CSNK2A1: variants seen among roughly 807,000 people sequenced by gnomAD.
CSNK2A1 encodes casein kinase 2 alpha 1.
Under a neutral mutation model 62.9 loss-of-function variants are expected in CSNK2A1, and 10 were observed. The ratio of observed to expected loss-of-function variants is 0.16; its 90% CI spans 0.10 to 0.27. The LOEUF (loss-of-function observed/expected upper bound fraction) is 0.27, where lower values mean the gene tolerates loss of function less well. Ranked by LOEUF, CSNK2A1 falls within the 10% of genes least tolerant of loss-of-function variation. CSNK2A1 has a pLI of 1.00. For missense variants in CSNK2A1, 160 were observed against 492.0 expected (o/e 0.33, Z 6.38); for synonymous variants, 124 against 167.8 (o/e 0.74, Z 2.02).
intron 8 of CSNK2A1, among the ~76,000 whole-genome samples, chr20:493,784 C>G (rs1406922585): frequency 6.6e-6 from 1 of 152,176 alleles, no homozygotes; most frequent in Non-Finnish European, 1.5e-5. Context: ...TAGCCCAACC[C>G]CTGGCAACCC....
chr20:537,209 C>T (rs1490404790), intron 1 of CSNK2A1, among the ~76,000 whole-genome samples: 1 of 152,138 alleles, frequency 6.6e-6, no homozygotes, highest in Non-Finnish European at 1.5e-5. Flanking sequence ...AGATGTCACA[C>T]ATAAAAAATT....
At position 505,668 on chromosome 20, in the gene CSNK2A1, AT is replaced by A. The variant is rs11484480; in HGVS notation, c.102-440del. Among the ~76,000 whole-genome samples the A allele has an allele frequency of 3.3e-3, 469 of 142,428 alleles. 3 individuals are homozygous for A. Among genetic ancestry groups the A allele is most frequent in the Admixed American group, 0.014 (194 of 14,366 alleles). The allele number at this position is 142,428 out of a possible 152,430, so 93.4% of individuals were successfully genotyped here. A position where few individuals can be genotyped will look rare whatever the true frequency, so the allele number is the denominator to read the frequency against. ...TGAGCCACCGCGCCTGGCCCATTGT[AT>A]TTTTTTTTTTTTTAAATTAGGCCAA... On this transcript the variant is annotated intron_variant, in intron 3 of 13. Transcript: ENST00000217244.
chr20:486,583 A>G, intron 12 of CSNK2A1, 121 bp from the exon 13 acceptor site: 1 of 1,017,606 alleles, frequency 9.8e-7, no homozygotes, highest in Non-Finnish European at 1.4e-6. Flanking sequence ...ATTATTCCCC[A>G]AAGAACTTAA....
At position 499,896 on chromosome 20, in the gene CSNK2A1, A is replaced by T. The variant is rs758013855; in HGVS notation, c.252T>A (p.Ile84=). The T allele has an allele frequency of 6.2e-7, 1 of 1,613,934 alleles. No homozygotes were observed. Among genetic ancestry groups the T allele is most frequent in the Non-Finnish European group, 8.5e-7 (1 of 1,179,982 alleles). The change falls in exon 5 of 14, where the codon ATT becomes ATA. Residue 84 remains isoleucine (I), a synonymous_variant. Coordinates refer to ENST00000217244, the MANE Select transcript of CSNK2A1 (RefSeq NM_177559.3). The surrounding 1 kb of genome is among the most constrained non-coding windows in gnomAD (Gnocchi z 4.2). ...TGGGACCTCCTCTCAAATTCTCCAA[A>T]ATCTTTATTTCACGCTTAATTTTCT... ...KKKKIKREIK[I]LENLRGGPNI...
chr20:522,024 C>G (rs1196878674), intron 2 of CSNK2A1, among the ~76,000 whole-genome samples: 1 of 152,196 alleles, frequency 6.6e-6, no homozygotes, highest in Non-Finnish European at 1.5e-5. Flanking sequence ...CCAGGCTACA[C>G]AGCAGGAGGT....
chr20:501,463 A>T (rs1209448843), intron 4 of CSNK2A1: 7 of 152,260 alleles, frequency 4.6e-5, no homozygotes, highest in Non-Finnish European at 8.8e-5. Flanking sequence ...TAGTAGCCAC[A>T]TCAAGAAAAT....
chr20:543,201 C>T (rs987929836), intron 1 of CSNK2A1: 1 of 152,436 alleles, frequency 6.6e-6, no homozygotes, highest in Non-Finnish European at 1.5e-5. Context: ...GAAGCTCAGC[C>T]CCGCCCAGAG....
chr20:543,535 T>G (rs1057252276), intron 1 of CSNK2A1, 137 bp downstream of exon 1: 1 of 394,258 alleles, frequency 2.5e-6, no homozygotes, highest in South Asian at 1.4e-4. Flanking sequence ...GCTTGGTTTA[T>G]GTGTGAAGGT....
intron 1 of CSNK2A1, among the ~76,000 whole-genome samples, chr20:536,963 G>A (rs1263667568): frequency 2.0e-5 from 3 of 151,880 alleles, no homozygotes; most frequent in Admixed American, 2.0e-4. Context: ...ACCATTTTTT[G>A]GAAAATAATT....
Position 483,738 on chromosome 20 carries a change from G to A in CSNK2A1, c.*223C>T. On this transcript the variant is annotated 3_prime_UTR_variant, in exon 14 of 14. Transcript: ENST00000217244. Reference sequence around the variant, plus strand: ...TTCCACCTGCAGGTAATTTTTCAGGGAATCCCCTGAGTTATGAAAAGTTCG... The same window carrying A: ...TTCCACCTGCAGGTAATTTTTCAGGAAATCCCCTGAGTTATGAAAAGTTCG... 3.1e-6 allele frequency: 1 copy of A among 327,734 alleles called. No homozygotes were observed. The highest frequency in any genetic ancestry group is 5.4e-6 in the Non-Finnish European group (1 of 184,768). The allele number at this position is 327,734 out of a possible 1,614,324, so 20.3% of individuals were successfully genotyped here.
intron 2 of CSNK2A1, among the ~76,000 whole-genome samples, chr20:509,473 A>T (rs1429863771): frequency 2.6e-5 from 4 of 152,196 alleles, no homozygotes; most frequent in African/African-American, 9.7e-5. Flanking sequence ...TCCCCTCATT[A>T]TGCATTTAGA....
At chr20:485,373 G>C (rs1484043739) in intron 13 of CSNK2A1, among the ~76,000 whole-genome samples, 2 of 151,898 alleles carry the variant, frequency 1.3e-5, no homozygotes, top group Non-Finnish European at 2.9e-5. Context: ...AGTAGAGACA[G>C]GGTTTCGCCA....
At chr20:524,708 C>CAAA (rs56228720) in intron 2 of CSNK2A1, among the ~76,000 whole-genome samples, 80 of 83,110 alleles carry the variant, frequency 9.6e-4, no homozygotes, top group East Asian at 2.2e-3. Context: ...GACTCCATCT[C>CAAA]AAAAAAAAAA....
intron 9 of CSNK2A1, among the ~76,000 whole-genome samples, chr20:491,410 T>C (rs1422600802): frequency 6.6e-6 from 1 of 152,166 alleles, no homozygotes; most frequent in Non-Finnish European, 1.5e-5. Context: ...CTCATGCCTG[T>C]AATCTCAGCA....
At chr20:533,926 T>C (rs1012201067) in intron 1 of CSNK2A1, among the ~76,000 whole-genome samples, 1 of 152,232 alleles carries the variant, frequency 6.6e-6, no homozygotes, top group Non-Finnish European at 1.5e-5. Context: ...TCATCATCTA[T>C]ACACCTTTTT....
intron 4 of CSNK2A1, chr20:503,158 T>G (rs2018505229): frequency 3.9e-6 from 1 of 253,766 alleles, no homozygotes; most frequent in East Asian, 6.9e-5. Flanking sequence ...CCTTTTTGTT[T>G]TTTGAGACAG....
chr20:524,207 T>C (rs2019016935), intron 2 of CSNK2A1, among the ~76,000 whole-genome samples: 2 of 151,936 alleles, frequency 1.3e-5, no homozygotes, highest in Non-Finnish European at 2.9e-5. Context: ...GCAGATCACC[T>C]GAGGTCAGGA....
At chr20:512,627 C>T (rs1341140835) in intron 2 of CSNK2A1, among the ~76,000 whole-genome samples, 7 of 152,244 alleles carry the variant, frequency 4.6e-5, no homozygotes, top group African/African-American at 1.7e-4. Context: ...TGACATTCCA[C>T]TCCAAATATA....
At chr20:539,685 C>CTTCTGGT (rs1320807702) in intron 1 of CSNK2A1, 2 of 152,174 alleles carry the variant, frequency 1.3e-5, no homozygotes, top group African/African-American at 4.8e-5. Flanking sequence ...CGCAGTCTGC[C>CTTCTGGT]TTCTGGTTTC....
Sources: gnomAD v4.1 joint callset for allele counts (sites outside exome capture counted in the v4.1 genomes callset) on GRCh38, gnomAD v4.1.1 for gene constraint, Gnocchi (gnomAD v3.1) non-coding constraint, MANE v1.5 for transcripts, NCBI Gene and HGNC (gene_info 2026-07-23, HGNC 2026-07-21) for gene names.